SEPTIN2: variants seen among roughly 807,000 people sequenced by gnomAD.
The protein encoded by SEPTIN2 is septin-2.
A neutral mutation model predicts 46.5 loss-of-function variants in SEPTIN2; 34 were observed. That is an observed-to-expected ratio of 0.73 (90% CI 0.56 to 0.97). The LOEUF (loss-of-function observed/expected upper bound fraction) is 0.97, where lower values mean the gene tolerates loss of function less well. Ranked by LOEUF, SEPTIN2 falls within the 50% of genes least tolerant of loss-of-function variation. The pLI, the probability that SEPTIN2 is intolerant of heterozygous loss-of-function variation, is 0.00. For missense variants in SEPTIN2, 347 were observed against 448.4 expected, an observed-to-expected ratio of 0.77 and a Z score of 2.04; for synonymous variants, 175 against 153.4, an observed-to-expected ratio of 1.14 and a Z score of -1.04.
At chr2:241,335,694 C>A in intron 4 of SEPTIN2, 1 of 563,798 alleles carries the variant, frequency 1.8e-6, no homozygotes, top group South Asian at 2.2e-5. Context: ...TTTTTGAATT[C>A]AGTTTTTAAA....
At chr2:241,322,884 A>G (rs1172022756) in intron 1 of SEPTIN2, among the ~76,000 whole-genome samples, 1 of 152,182 alleles carries the variant, frequency 6.6e-6, no homozygotes, top group Non-Finnish European at 1.5e-5. Flanking sequence ...TCCAGAGGTC[A>G]GGGAAGTATG....
At chr2:241,323,681 A>C (rs1342433199) in intron 1 of SEPTIN2, among the ~76,000 whole-genome samples, 1 of 152,256 alleles carries the variant, frequency 6.6e-6, no homozygotes, top group Admixed American at 6.5e-5. Flanking sequence ...AGTTAAAAGA[A>C]TTCATTTAAG....
At chr2:241,331,458 A>G (rs1475944241) in intron 3 of SEPTIN2, among the ~76,000 whole-genome samples, 4 of 152,154 alleles carry the variant, frequency 2.6e-5, no homozygotes, top group Non-Finnish European at 4.4e-5. Context: ...GTGCAATGGT[A>G]TGATTTTGGC....
chr2:241,334,047 G>T (rs373105810), intron 3 of SEPTIN2, among the ~76,000 whole-genome samples: 1 of 152,044 alleles, frequency 6.6e-6, no homozygotes, highest in African/African-American at 2.4e-5. Context: ...CTTTGTTTTG[G>T]TTTTTTGGGA....
chr2:241,337,734 G>A lies in SEPTIN2; in HGVS notation c.538G>A (p.Val180Ile). The A allele has an allele frequency of 1.2e-6, 2 of 1,614,122 alleles. No individual in the cohort carries two copies. The highest frequency in any genetic ancestry group is 4.5e-5 in the East Asian group (2 of 44,886). The change falls in exon 7 of 13, where the codon GTC (valine) becomes ATC (isoleucine). Residue 180 changes from valine (V) to isoleucine (I), a missense_variant. Val to Ile is a conservative substitution (Grantham distance 29). Coordinates refer to ENST00000391971, the MANE Select transcript of SEPTIN2 (RefSeq NM_004404.5). ...AIHNKVNIVP[V>I]IAKADTLTLK... ...ACACAACAAGGTGAATATTGTGCCT[G>A]TCATTGCAAAAGCTGACACTCTCAC...
intron 9 of SEPTIN2, among the ~76,000 whole-genome samples, chr2:241,345,270 T>C (rs2081856557): frequency 6.6e-6 from 1 of 152,248 alleles, no homozygotes; most frequent in Admixed American, 6.5e-5. Flanking sequence ...TTTAGCAATT[T>C]GTAGTGAGTT....
intron 3 of SEPTIN2, among the ~76,000 whole-genome samples, chr2:241,328,513 G>T (rs895424815): frequency 2.0e-5 from 3 of 151,994 alleles, no homozygotes; most frequent in African/African-American, 7.2e-5. Flanking sequence ...GAGGTGGGCA[G>T]ATCACCTGAG....
intron 4 of SEPTIN2, 51 bp from the exon 5 acceptor site, chr2:241,335,924 T>C: frequency 6.2e-7 from 1 of 1,613,632 alleles, no homozygotes; most frequent in African/African-American, 1.3e-5. Flanking sequence ...AACGTGAGCT[T>C]TCCTCTTCAC....
At chr2:241,338,457 C>G (rs2080400536) in intron 7 of SEPTIN2, among the ~76,000 whole-genome samples, 1 of 150,756 alleles carries the variant, frequency 6.6e-6, no homozygotes, top group Non-Finnish European at 1.5e-5. Flanking sequence ...AATGAACATA[C>G]CGATCTGTGC....
intron 3 of SEPTIN2, among the ~76,000 whole-genome samples, chr2:241,327,057 A>G (rs1227302212): frequency 2.0e-5 from 3 of 147,828 alleles, no homozygotes; most frequent in Non-Finnish European, 4.6e-5. Context: ...TCTCAAAAAA[A>G]AAAAAAAAAA....
intron 3 of SEPTIN2, among the ~76,000 whole-genome samples, chr2:241,331,777 T>G (rs939802570): frequency 6.6e-6 from 1 of 152,114 alleles, no homozygotes; most frequent in African/African-American, 2.4e-5. Context: ...AAAAACAGTT[T>G]AGAAAAAGAG....
chr2:241,316,559 C>T, intron 1 of SEPTIN2: 3 of 1,512,678 alleles, frequency 2.0e-6, no homozygotes, highest in East Asian at 2.6e-5. Flanking sequence ...CAGCGAGGCA[C>T]GGACAGGCAG....
chr2:241,325,848 G>T, intron 2 of SEPTIN2, 145 bp from the exon 3 acceptor site: 1 of 625,988 alleles, frequency 1.6e-6, no homozygotes, highest in South Asian at 3.0e-5. Context: ...TTTTCTGATA[G>T]AAGTATGACC....
At chr2:241,322,673 A>G (rs1360842636) in intron 1 of SEPTIN2, among the ~76,000 whole-genome samples, 1 of 152,094 alleles carries the variant, frequency 6.6e-6, no homozygotes, top group African/African-American at 2.4e-5. Context: ...CATTTTTCAG[A>G]CACTCAGATG....
intron 3 of SEPTIN2, among the ~76,000 whole-genome samples, chr2:241,332,181 A>G (rs2079104911): frequency 6.6e-6 from 1 of 152,246 alleles, no homozygotes; most frequent in Non-Finnish European, 1.5e-5. Context: ...AGAAATTATA[A>G]AAACAATTGT....
In SEPTIN2 at chr2:241,352,924, A is replaced by T. The variant is rs938146801; in HGVS notation, c.*987A>T. 6.6e-6 allele frequency: 1 copy of T among 152,228 alleles called. No homozygotes were observed. The highest frequency in any genetic ancestry group is 2.4e-5 in the African/African-American group (1 of 41,444). 9.4% of individuals were successfully genotyped at this position (152,228 alleles called of 1,614,324 possible). A position where few individuals can be genotyped will look rare whatever the true frequency, so the allele number is the denominator to read the frequency against. On this transcript the variant is annotated 3_prime_UTR_variant, in exon 13 of 13. Coordinates refer to ENST00000391971, the MANE Select transcript of SEPTIN2 (RefSeq NM_004404.5). Reference sequence around the variant, plus strand: ...TTTTCTGTCACTGTAGGTATAGAAGATCTGCCTCCCCTGTGGAAATTGGGG... The same window carrying T: ...TTTTCTGTCACTGTAGGTATAGAAGTTCTGCCTCCCCTGTGGAAATTGGGG...
chr2:241,316,628 C>A, intron 1 of SEPTIN2: 1 of 1,122,674 alleles, frequency 8.9e-7, no homozygotes, highest in South Asian at 1.7e-5. Flanking sequence ...AGGAGCAAAC[C>A]TGTGGCTTCC....
At chr2:241,322,580 C>T (rs1160583602) in intron 1 of SEPTIN2, among the ~76,000 whole-genome samples, 3 of 148,188 alleles carry the variant, frequency 2.0e-5, no homozygotes, top group African/African-American at 2.5e-5. Context: ...TACTTCAGCC[C>T]GGGAGACAAT....
chr2:241,346,102 T>C lies in SEPTIN2; in HGVS notation c.843-64T>C, dbSNP rs74627104. On this transcript the variant is annotated intron_variant, in intron 9 of 12. Transcript: ENST00000391971. ...TTTCTTCTATGTACTTGATGGGTGG[T>C]TTTTTTTCTCATGAGAATGTCATGT... 2,434 of 1,210,002 alleles carry C rather than the reference T, an allele frequency of 2.0e-3. 41 individuals carry two copies. The East Asian group carries it at 0.025, about 12-fold the overall frequency. The allele number at this position is 1,210,002 out of a possible 1,614,324, so 75.0% of individuals were successfully genotyped here.
Sources: gnomAD v4.1 joint callset for allele counts (sites outside exome capture counted in the v4.1 genomes callset) on GRCh38, gnomAD v4.1.1 for gene constraint, MANE v1.5 for transcripts, NCBI Gene and HGNC (gene_info 2026-07-23, HGNC 2026-07-21) for gene names.